Variants in DPP6 observed in about 807,000 individuals in gnomAD.
DPP6 encodes A-type potassium channel modulatory protein DPP6.
DPP6 carries 69 observed loss-of-function variants against 122.6 expected under a neutral mutation model. The ratio of observed to expected loss-of-function variants is 0.56; its 90% confidence interval spans 0.46 to 0.69. DPP6 has a LOEUF of 0.69. Ranked by LOEUF, DPP6 falls within the 30% of genes least tolerant of loss-of-function variation. The pLI, the probability that DPP6 is intolerant of heterozygous loss-of-function variation, is 0.00. For synonymous variants in DPP6, 418 were observed against 433.1 expected (o/e 0.97, Z 0.43); for missense variants, 928 against 1,116.9 (o/e 0.83, Z 2.41).
At chr7:154,150,344 G>A (rs969185337) in intron 1 of DPP6, among the ~76,000 whole-genome samples, 1 of 152,140 alleles carries the variant, frequency 6.6e-6, no homozygotes, top group African/African-American at 2.4e-5. Context: ...GCCAAGGATG[G>A]GGGAAACCAA....
At chr7:154,223,977 A>G (rs1014987748) in intron 1 of DPP6, among the ~76,000 whole-genome samples, 1 of 147,038 alleles carries the variant, frequency 6.8e-6, no homozygotes, top group Non-Finnish European at 1.5e-5. Context: ...CTGGGAGGAC[A>G]CTGTGGCCCA....
At chr7:154,419,382 A>G (rs1401888247) in intron 1 of DPP6, among the ~76,000 whole-genome samples, 2 of 152,192 alleles carry the variant, frequency 1.3e-5, no homozygotes, top group African/African-American at 2.4e-5. Context: ...CACATTGACT[A>G]TTTTTTAAAA....
chr7:154,551,002 G>A (rs1470811892), intron 4 of DPP6, among the ~76,000 whole-genome samples: 1 of 152,020 alleles, frequency 6.6e-6, no homozygotes, highest in Non-Finnish European at 1.5e-5. Context: ...TTATATTTCT[G>A]ACAAAATTGG....
the DPP6 span, among the ~76,000 whole-genome samples, chr7:153,832,773 T>A: frequency 7.1e-6 from 1 of 140,154 alleles, no homozygotes; most frequent in African/African-American, 2.7e-5. Flanking sequence ...AGCACACGGT[T>A]GTTATTCCAA....
chr7:154,456,572 C>A (rs1820848834), intron 2 of DPP6, among the ~76,000 whole-genome samples: 3 of 151,902 alleles, frequency 2.0e-5, no homozygotes, highest in South Asian at 2.1e-4. Context: ...GCGCCCCCCC[C>A]ACCAAAAAAA....
intron 1 of DPP6, among the ~76,000 whole-genome samples, chr7:153,888,422 C>G (rs866161799): frequency 6.6e-6 from 1 of 152,202 alleles, no homozygotes; most frequent in East Asian, 1.9e-4. Flanking sequence ...GCACGGATAA[C>G]TTTCTAAGTG....
intron 1 of DPP6, among the ~76,000 whole-genome samples, chr7:154,034,512 C>T (rs181266165): frequency 1.1e-3 from 169 of 152,232 alleles, no homozygotes; most frequent in Middle Eastern, 3.4e-3. Context: ...GGTCTCCCTT[C>T]TCCTGTCTTT....
chr7:154,268,562 G>T (rs1390162013), intron 1 of DPP6, among the ~76,000 whole-genome samples: 2 of 152,182 alleles, frequency 1.3e-5, no homozygotes, highest in Non-Finnish European at 2.9e-5. Context: ...CACATTGAAG[G>T]TTAGGATTCT....
intron 3 of DPP6, among the ~76,000 whole-genome samples, chr7:154,515,525 G>C (rs1826417875): frequency 6.6e-6 from 1 of 151,768 alleles, no homozygotes; most frequent in Non-Finnish European, 1.5e-5. Flanking sequence ...TCCCAGGCTG[G>C]AGTGCAGTGG....
At chr7:154,222,827 G>A (rs1344933536) in intron 1 of DPP6, among the ~76,000 whole-genome samples, 1 of 148,846 alleles carries the variant, frequency 6.7e-6, no homozygotes, top group Non-Finnish European at 1.5e-5. Context: ...AAGGCATGGG[G>A]TGGAACCACC....
chr7:153,987,408 G>A (rs1796903657), intron 1 of DPP6, among the ~76,000 whole-genome samples: 2 of 152,226 alleles, frequency 1.3e-5, no homozygotes, highest in Non-Finnish European at 2.9e-5. Flanking sequence ...CATGGTTTGT[G>A]TAGTTGTAGA....
chr7:154,353,609 A>T (rs925487172), intron 1 of DPP6, among the ~76,000 whole-genome samples: 7 of 152,124 alleles, frequency 4.6e-5, no homozygotes, highest in Non-Finnish European at 1.5e-5. Context: ...AGGGTCTTTA[A>T]TGTAAAAGAC....
chr7:154,811,051 G>T (rs989038216), intron 16 of DPP6, among the ~76,000 whole-genome samples: 3 of 152,122 alleles, frequency 2.0e-5, no homozygotes, highest in African/African-American at 7.2e-5. Context: ...TATTTAGCCT[G>T]TTGCCTCATC....
At chr7:154,653,838 A>G (rs1205980156) in intron 6 of DPP6, among the ~76,000 whole-genome samples, 3 of 152,186 alleles carry the variant, frequency 2.0e-5, no homozygotes, top group Non-Finnish European at 2.9e-5. Flanking sequence ...TTAGGTTTAC[A>G]GTGACAGAGA....
chr7:153,888,657 C>T (rs530901564), intron 1 of DPP6, among the ~76,000 whole-genome samples: 1 of 148,518 alleles, frequency 6.7e-6, no homozygotes, highest in East Asian at 2.0e-4. Flanking sequence ...AGGTCATGGT[C>T]TGAGAAGAAT....
intron 1 of DPP6, among the ~76,000 whole-genome samples, chr7:154,309,592 G>A (rs1014218843): frequency 1.1e-4 from 17 of 152,144 alleles, no homozygotes; most frequent in Admixed American, 9.2e-4. Flanking sequence ...TGATCTTGTT[G>A]CTTCTTGCAG....
chr7:153,802,138 A>C, the DPP6 span, among the ~76,000 whole-genome samples: 10 of 152,324 alleles, frequency 6.6e-5, no homozygotes, highest in African/African-American at 2.4e-4. Flanking sequence ...CATGGTGCCA[A>C]ATTAGCTTGG....
At chr7:154,001,563 GC>G (rs1797692974) in intron 1 of DPP6, among the ~76,000 whole-genome samples, 1 of 151,966 alleles carries the variant, frequency 6.6e-6, no homozygotes, top group South Asian at 2.1e-4. Flanking sequence ...CAGCTCCACT[GC>G]TGGCAGTTTA....
chr7:154,546,144 A>G (rs1284039780), intron 4 of DPP6, among the ~76,000 whole-genome samples: 1 of 152,122 alleles, frequency 6.6e-6, no homozygotes, highest in Non-Finnish European at 1.5e-5. Flanking sequence ...ATTCATTAAA[A>G]TAATAGCTAT....
Sources: gnomAD v4.1 joint callset for allele counts (sites outside exome capture counted in the v4.1 genomes callset) on GRCh38, gnomAD v4.1.1 for gene constraint, MANE v1.5 for transcripts, NCBI Gene and HGNC (gene_info 2026-07-23, HGNC 2026-07-21) for gene names.